ZCCHC17: variants seen among roughly 807,000 people sequenced by gnomAD.
ZCCHC17 encodes zinc finger CCHC-type containing 17.
Under a neutral mutation model 30.6 loss-of-function variants are expected in ZCCHC17, and 18 were observed. The observed-to-expected ratio is 0.59, with a 90% CI of 0.41 to 0.87. The LOEUF (loss-of-function observed/expected upper bound fraction) is 0.87. Ranked by LOEUF, ZCCHC17 falls within the 40% of genes least tolerant of loss-of-function variation. ZCCHC17 has a pLI of 0.00. For synonymous variants in ZCCHC17, 88 were observed against 92.4 expected (o/e 0.95, Z 0.27); for missense variants, 263 against 284.2 (o/e 0.93, Z 0.54).
chr1:31,339,477 C>A (rs1252104722), intron 5 of ZCCHC17, among the ~76,000 whole-genome samples: 2 of 152,052 alleles, frequency 1.3e-5, no homozygotes, highest in Non-Finnish European at 2.9e-5. Flanking sequence ...CACTGCACTC[C>A]AGCCTGGATG....
intron 7 of ZCCHC17, among the ~76,000 whole-genome samples, chr1:31,361,784 A>AGATT (rs1265831616): frequency 1.3e-4 from 18 of 140,974 alleles, no homozygotes; most frequent in African/African-American, 3.6e-4. Flanking sequence ...GGAGAGGGGG[A>AGATT]GATTATTTAT....
At chr1:31,316,553 T>C (rs1646737705) in intron 2 of ZCCHC17, among the ~76,000 whole-genome samples, 1 of 152,254 alleles carries the variant, frequency 6.6e-6, no homozygotes, top group African/African-American at 2.4e-5. Context: ...TTTATTTCAA[T>C]TAAAAATTGG....
intron 2 of ZCCHC17, among the ~76,000 whole-genome samples, chr1:31,311,726 G>T (rs1000353599): frequency 3.9e-5 from 6 of 152,230 alleles, no homozygotes; most frequent in Non-Finnish European, 8.8e-5. Context: ...TTCATGAGGG[G>T]CCTAAGGGCC....
chr1:31,301,657 T>C (rs1329240076), intron 1 of ZCCHC17, among the ~76,000 whole-genome samples: 1 of 152,232 alleles, frequency 6.6e-6, no homozygotes, highest in African/African-American at 2.4e-5. Flanking sequence ...CTTATACCAA[T>C]GTTGCTAACT....
chr1:31,311,175 T>G (rs543963733), intron 2 of ZCCHC17, among the ~76,000 whole-genome samples: 1 of 152,322 alleles, frequency 6.6e-6, no homozygotes, highest in Admixed American at 6.5e-5. Context: ...TACTCCCACT[T>G]CAGCCTCCCA....
intron 5 of ZCCHC17, 57 bp downstream of exon 5, chr1:31,339,105 T>G (rs1464638689): frequency 6.7e-6 from 9 of 1,342,764 alleles, no homozygotes; most frequent in Non-Finnish European, 9.4e-6. Context: ...CATAAAATGG[T>G]TTAGTAAATC....
chr1:31,323,610 C>A (rs1189918584), intron 3 of ZCCHC17, among the ~76,000 whole-genome samples: 1 of 152,134 alleles, frequency 6.6e-6, no homozygotes, highest in Admixed American at 6.5e-5. Context: ...CGTGAGCCAC[C>A]GAGCCCGGCC....
intron 7 of ZCCHC17, among the ~76,000 whole-genome samples, chr1:31,357,759 C>CTT (rs34448655): frequency 0.14 from 19,960 of 143,746 alleles, 1,465 homozygotes; most frequent in Non-Finnish European, 0.15. Context: ...CCAGGCCTTT[C>CTT]TTTTTTTTTT....
Position 31,317,225 on chromosome 1 carries a change from A to G in ZCCHC17, c.67-1884A>G, listed in dbSNP as rs188631741. ...TTTTTATTAGAGACAGGGTTTCACC[A>G]TGTTGGCCAGGCTGGTCTCGAACTC... On this transcript the variant is annotated intron_variant, in intron 2 of 7. Coordinates refer to ENST00000344147, the MANE Select transcript of ZCCHC17 (RefSeq NM_016505.4). 4.6e-5 allele frequency among the ~76,000 whole-genome samples: 7 copies of G among 152,028 alleles called. No individual in the cohort carries two copies. In the East Asian group the frequency reaches 1.4e-3, roughly 30 times the overall value.
At chr1:31,355,528 CGGAAGTCACACAAATATAAGA>C (rs1267198361) in intron 7 of ZCCHC17, among the ~76,000 whole-genome samples, 2 of 152,044 alleles carry the variant, frequency 1.3e-5, no homozygotes, top group African/African-American at 4.8e-5. Flanking sequence ...CGTAACTCAC[CGGAAGTCACACAAATATAAGA>C]GATAATGCTG....
In ZCCHC17 at chr1:31,352,411, T is replaced by C. The variant is rs1184935747; in HGVS notation, c.564+3437T>C. ...GACTGGCTTATTTCACTTAGCATAA[T>C]GTCCTTAAAGTTCATCTGCATCATA... is the stretch of plus-strand genomic sequence containing the variant. On this transcript the variant is annotated intron_variant, in intron 7 of 7. Transcript: ENST00000344147. 2.6e-5 allele frequency among the ~76,000 whole-genome samples: 4 copies of C among 152,376 alleles called. No homozygotes were observed. The East Asian group carries it at 5.8e-4, about 22-fold the overall frequency.
chr1:31,350,206 T>C (rs1639423885), intron 7 of ZCCHC17, among the ~76,000 whole-genome samples: 1 of 152,194 alleles, frequency 6.6e-6, no homozygotes, highest in African/African-American at 2.4e-5. Context: ...ATGGCCAGTA[T>C]ATTGACTTTT....
intron 5 of ZCCHC17, among the ~76,000 whole-genome samples, chr1:31,341,966 T>C (rs1021758156): frequency 2.6e-5 from 4 of 152,198 alleles, no homozygotes; most frequent in Admixed American, 2.0e-4. Flanking sequence ...CCTTTGCTTT[T>C]GAAAGAGTGT....
rs371925341 is a variant in ZCCHC17 at position 31,300,329 on chromosome 1, C to T, written c.-56+3254C>T. Among the ~76,000 whole-genome samples the T allele has an allele frequency of 2.1e-3, 325 of 152,162 alleles. 9 individuals are homozygous for T. The South Asian group carries it at 0.051, about 24-fold the overall frequency. ...GCTGCCTTGGTCTCCCAAAGTGCTA[C>T]GATTATAGGCATAAGCCACCATGCC... On this transcript the variant is annotated intron_variant, in intron 1 of 7. Transcript: ENST00000344147.
chr1:31,330,840 A>G (rs925418733), intron 3 of ZCCHC17, among the ~76,000 whole-genome samples: 1 of 152,198 alleles, frequency 6.6e-6, no homozygotes, highest in African/African-American at 2.4e-5. Flanking sequence ...AATATTTTAT[A>G]TGGTGTCCTC....
chr1:31,330,358 G>C (rs554039484), intron 3 of ZCCHC17, among the ~76,000 whole-genome samples: 2 of 152,288 alleles, frequency 1.3e-5, no homozygotes, highest in Admixed American at 1.3e-4. Flanking sequence ...TTCTGTTTAA[G>C]TGTCATGTTG....
At chr1:31,357,638 CAA>C (rs1639691808) in intron 7 of ZCCHC17, among the ~76,000 whole-genome samples, 1 of 152,078 alleles carries the variant, frequency 6.6e-6, no homozygotes, top group South Asian at 2.1e-4. Flanking sequence ...AATAATGTAT[CAA>C]GTAGTGATAA....
At chr1:31,314,202 G>A (rs981369528) in intron 2 of ZCCHC17, among the ~76,000 whole-genome samples, 7 of 152,106 alleles carry the variant, frequency 4.6e-5, no homozygotes, top group African/African-American at 1.7e-4. Flanking sequence ...GCTTGAATTA[G>A]TGCAGGTTTT....
At chr1:31,329,963 A>G (rs1557440985) in intron 3 of ZCCHC17, among the ~76,000 whole-genome samples, 6 of 152,306 alleles carry the variant, frequency 3.9e-5, no homozygotes, top group Admixed American at 2.6e-4. Context: ...TGAATCCTTA[A>G]TCCCAACAAG....
Sources: gnomAD v4.1 joint callset for allele counts (sites outside exome capture counted in the v4.1 genomes callset) on GRCh38, gnomAD v4.1.1 for gene constraint, MANE v1.5 for transcripts, NCBI Gene and HGNC (gene_info 2026-07-23, HGNC 2026-07-21) for gene names.